Variants in RELCH observed in about 807,000 individuals in gnomAD.
The protein encoded by RELCH is RAB11-binding protein RELCH.
In RELCH, 41 loss-of-function variants were observed where a neutral mutation model predicts 150.3. The observed-to-expected ratio is 0.27, with a 90% confidence interval of 0.21 to 0.35. The LOEUF (loss-of-function observed/expected upper bound fraction) is 0.35. Ranked by LOEUF, RELCH falls within the 10% of genes least tolerant of loss-of-function variation. The pLI, the probability that RELCH is intolerant of heterozygous loss-of-function variation, is 1.00. For synonymous variants in RELCH, 478 were observed against 531.8 expected (o/e 0.90, Z 1.39); for missense variants, 1,092 against 1,467.8 (o/e 0.74, Z 4.18).
At chr18:62,281,680 A>C (rs77462960) in intron 24 of RELCH, among the ~76,000 whole-genome samples, 1 of 152,334 alleles carries the variant, frequency 6.6e-6, no homozygotes, top group African/African-American at 2.4e-5. Flanking sequence ...CATATTACCC[A>C]AAAGAAAAAA....
At chr18:62,241,280 C>A (rs1217556778) in intron 10 of RELCH, among the ~76,000 whole-genome samples, 2 of 152,116 alleles carry the variant, frequency 1.3e-5, no homozygotes, top group African/African-American at 4.8e-5. Context: ...CCACTCAGAG[C>A]AACACCAGCC....
intron 1 of RELCH, among the ~76,000 whole-genome samples, chr18:62,203,979 A>G (rs2039617541): frequency 6.6e-6 from 1 of 152,114 alleles, no homozygotes; most frequent in South Asian, 2.1e-4. Flanking sequence ...AGCCTATCTC[A>G]AAAAAACAGC....
At chr18:62,221,542 T>A in intron 5 of RELCH, 45 bp downstream of exon 5, 1 of 851,236 alleles carries the variant, frequency 1.2e-6, no homozygotes, top group South Asian at 1.8e-5. Flanking sequence ...TCTACACTTA[T>A]AATTCACTTT....
At position 62,252,538 on chromosome 18, in the gene RELCH, A is replaced by C. The variant is rs529413453; in HGVS notation, c.1734-126A>C. 68 of 682,062 alleles carry C rather than the reference A, an allele frequency of 1.0e-4. 2 individuals carry two copies. In the South Asian group the frequency reaches 1.2e-3, roughly 12 times the overall value. The allele number at this position is 682,062 out of a possible 1,614,324, so 42.3% of individuals were successfully genotyped here. A position where few individuals can be genotyped will look rare whatever the true frequency, so the allele number is the denominator to read the frequency against. ...TCTCAAAAAAAATAAATAAATAAAA[A>C]GTCTAATTTGATTGTATAAAAATCT... On this transcript the variant is annotated intron_variant, in intron 11 of 28. Transcript: ENST00000644646.
intron 2 of RELCH, 51 bp from the exon 3 acceptor site, chr18:62,220,986 C>G (rs1264850328): frequency 7.2e-7 from 1 of 1,393,668 alleles, no homozygotes; most frequent in Non-Finnish European, 1.0e-6. Context: ...ATTTTTGTTT[C>G]CCTTTTCTTG....
intron 21 of RELCH, among the ~76,000 whole-genome samples, chr18:62,274,876 T>C (rs1401211942): frequency 6.6e-6 from 1 of 152,232 alleles, no homozygotes; most frequent in African/African-American, 2.4e-5. Context: ...AAGATTGTGG[T>C]TGTATAAGGA....
chr18:62,258,426 A>C, intron 14 of RELCH, 86 bp from the exon 15 acceptor site: 2 of 1,179,050 alleles, frequency 1.7e-6, no homozygotes, highest in Non-Finnish European at 2.4e-6. Flanking sequence ...TTCTTAATTT[A>C]TTGAAATTTT....
chr18:62,269,420 T>G (rs1456507571), intron 20 of RELCH: 1 of 429,352 alleles, frequency 2.3e-6, no homozygotes, highest in Admixed American at 2.6e-5. Context: ...GATAAAGGAG[T>G]ATTTGCATAT....
chr18:62,273,076 T>C (rs1479723476), intron 20 of RELCH, among the ~76,000 whole-genome samples: 1 of 151,944 alleles, frequency 6.6e-6, no homozygotes, highest in Non-Finnish European at 1.5e-5. Context: ...GTCTTCCTCA[T>C]GATCTATTGA....
At chr18:62,226,393 G>A (rs2041219303) in intron 5 of RELCH, among the ~76,000 whole-genome samples, 1 of 152,040 alleles carries the variant, frequency 6.6e-6, no homozygotes, top group African/African-American at 2.4e-5. Flanking sequence ...TAGCTATTTG[G>A]ATTCTGAAAA....
intron 22 of RELCH, among the ~76,000 whole-genome samples, chr18:62,275,781 T>C (rs1409404274): frequency 2.0e-5 from 3 of 152,212 alleles, no homozygotes; most frequent in Non-Finnish European, 4.4e-5. Context: ...ACTATACTTT[T>C]TGATTTACTG....
chr18:62,265,516 T>C (rs2144736232), intron 18 of RELCH, among the ~76,000 whole-genome samples: 1 of 152,162 alleles, frequency 6.6e-6, no homozygotes, highest in South Asian at 2.1e-4. Flanking sequence ...CATAAAAAGG[T>C]GTAGTTTCTA....
intron 22 of RELCH, 98 bp downstream of exon 22, chr18:62,275,571 C>T (rs781369577): frequency 1.2e-4 from 91 of 737,240 alleles, no homozygotes; most frequent in Admixed American, 1.1e-3. Flanking sequence ...CTTTGCATAT[C>T]ATGTTATGTT....
intron 21 of RELCH, among the ~76,000 whole-genome samples, chr18:62,274,577 C>T (rs545991150): frequency 6.6e-6 from 1 of 152,346 alleles, no homozygotes; most frequent in African/African-American, 2.4e-5. Flanking sequence ...TCACAGCCAA[C>T]ATACCCTTCC....
intron 22 of RELCH, among the ~76,000 whole-genome samples, chr18:62,276,907 A>G (rs760376990): frequency 1.4e-4 from 22 of 152,148 alleles, no homozygotes; most frequent in Non-Finnish European, 2.4e-4. Context: ...ATTATTCGAT[A>G]TGCTGAAAAG....
At chr18:62,288,456 A>C (rs1170045025) in intron 26 of RELCH, among the ~76,000 whole-genome samples, 1 of 152,138 alleles carries the variant, frequency 6.6e-6, no homozygotes, top group Non-Finnish European at 1.5e-5. Context: ...AGAATGTACC[A>C]ATAAGAAGTT....
At chr18:62,219,803 GT>G (rs1419456400) in intron 2 of RELCH, among the ~76,000 whole-genome samples, 3 of 151,908 alleles carry the variant, frequency 2.0e-5, no homozygotes, top group African/African-American at 7.2e-5. Context: ...ATTACATCTT[GT>G]TTTTATTGAA....
chr18:62,204,015 T>G (rs2039621924), intron 1 of RELCH, among the ~76,000 whole-genome samples: 1 of 152,052 alleles, frequency 6.6e-6, no homozygotes, highest in Non-Finnish European at 1.5e-5. Flanking sequence ...ATATATAAAT[T>G]TATTCTATTT....
At chr18:62,231,355 T>G (rs1376587174) in intron 9 of RELCH, 86 bp downstream of exon 9, 4 of 818,760 alleles carry the variant, frequency 4.9e-6, no homozygotes, top group Non-Finnish European at 8.2e-6. Flanking sequence ...CAGAAGCATC[T>G]GTGATAAGAC....
Sources: allele counts gnomAD v4.1 joint callset (sites outside exome capture counted in the v4.1 genomes callset), GRCh38; gene constraint gnomAD v4.1.1; transcripts MANE v1.5; gene names NCBI Gene and HGNC (gene_info 2026-07-23, HGNC 2026-07-21).